Variants in MPPED2 observed in about 807,000 individuals in gnomAD.
MPPED2 encodes the protein metallophosphoesterase domain containing 2, also known as metallophosphoesterase MPPED2.
Under a neutral mutation model 33.0 loss-of-function variants are expected in MPPED2, and 5 were observed. That is an observed-to-expected ratio of 0.15 (90% confidence interval 0.08 to 0.32). The LOEUF (loss-of-function observed/expected upper bound fraction) is 0.32. Ranked by LOEUF, MPPED2 falls within the 10% of genes least tolerant of loss-of-function variation. The pLI, the probability that MPPED2 is intolerant of heterozygous loss-of-function variation, is 1.00. For missense variants in MPPED2, 275 were observed against 372.1 expected, an observed-to-expected ratio of 0.74 and a Z score of 2.15; for synonymous variants, 136 against 141.9, an observed-to-expected ratio of 0.96 and a Z score of 0.29.
At chr11:30,446,939 T>G (rs1023999712) in intron 4 of MPPED2, among the ~76,000 whole-genome samples, 14 of 152,184 alleles carry the variant, frequency 9.2e-5, no homozygotes, top group African/African-American at 3.4e-4. Context: ...TGCATTAGCG[T>G]TCTGAGAGGC....
chr11:30,467,694 AAAAC>A (rs1252072206), intron 4 of MPPED2, among the ~76,000 whole-genome samples: 4 of 152,222 alleles, frequency 2.6e-5, no homozygotes, highest in African/African-American at 4.8e-5. Flanking sequence ...TTCTACTCTA[AAAAC>A]AAACAAACAA....
rs1239379953 is a variant in MPPED2 at position 30,516,893 on chromosome 11, A to C, written c.310+19101T>G. ...CATTTTCTTAATTCATTTTAAGATA[A>C]ACTCTTACATTCCCCAACAATTTCT... On this transcript the variant is annotated intron_variant, in intron 3 of 6. Transcript: ENST00000358117. 2.0e-5 allele frequency among the ~76,000 whole-genome samples: 3 copies of C among 152,196 alleles called. No homozygotes were observed. In the East Asian group the frequency reaches 5.8e-4, roughly 29 times the overall value.
chr11:30,412,348 T>A (rs933591751), intron 6 of MPPED2, among the ~76,000 whole-genome samples: 19 of 151,826 alleles, frequency 1.3e-4, no homozygotes, highest in African/African-American at 4.6e-4. Context: ...CCTTTGATAA[T>A]TTTCAATATG....
At position 30,463,785 on chromosome 11, in the gene MPPED2, T is replaced by C. The variant is rs555017894; in HGVS notation, c.536+31511A>G. Among the ~76,000 whole-genome samples the C allele has an allele frequency of 1.7e-3, 264 of 152,306 alleles. 1 individual carries two copies. The highest frequency in any genetic ancestry group is 6.2e-3 in the African/African-American group (257 of 41,572). ...ACAAGATTGTTTGGGTTGACTTTTC[T>C]TAACATAAAATTGCATGGAACATAA... On this transcript the variant is annotated intron_variant, in intron 4 of 6. Coordinates refer to ENST00000358117, the MANE Select transcript of MPPED2 (RefSeq NM_001584.3).
intron 2 of MPPED2, among the ~76,000 whole-genome samples, chr11:30,542,718 A>G (rs1955195834): frequency 6.6e-6 from 1 of 152,166 alleles, no homozygotes; most frequent in African/African-American, 2.4e-5. Context: ...CTTGCTTATT[A>G]ATACTAATGA....
chr11:30,400,431 T>C (rs1947894240), intron 6 of MPPED2, among the ~76,000 whole-genome samples: 1 of 152,148 alleles, frequency 6.6e-6, no homozygotes, highest in South Asian at 2.1e-4. Flanking sequence ...ACCCTAAAAC[T>C]GTAGGAAAGT....
rs372235541 is a variant in MPPED2 at position 30,417,683 on chromosome 11, C to T, written c.537-50G>A. The T allele has an allele frequency of 1.8e-3, 1,834 of 1,035,462 alleles. 7 individuals carry two copies. Among genetic ancestry groups the T allele is most frequent in the African/African-American group, 9.7e-3 (619 of 63,822 alleles). The allele number at this position is 1,035,462 out of a possible 1,614,324, so 64.1% of individuals were successfully genotyped here. A position where few individuals can be genotyped will look rare whatever the true frequency, so the allele number is the denominator to read the frequency against. On this transcript the variant is annotated intron_variant, in intron 4 of 6. Coordinates refer to ENST00000358117, the MANE Select transcript of MPPED2 (RefSeq NM_001584.3). ...TATCAGGCCAGCAGAGCCACGGCTC[C>T]GCTCTGCAATATTTCTCTCTCGCAC...
intron 3 of MPPED2, among the ~76,000 whole-genome samples, chr11:30,520,329 G>A (rs7113764): frequency 0.24 from 35,768 of 152,066 alleles, 4,608 homozygotes; most frequent in East Asian, 0.45. Flanking sequence ...TATTCATTTA[G>A]GGTGTACTAT....
At chr11:30,464,025 G>A (rs1950608073) in intron 4 of MPPED2, among the ~76,000 whole-genome samples, 1 of 151,826 alleles carries the variant, frequency 6.6e-6, no homozygotes, top group South Asian at 2.1e-4. Flanking sequence ...ACTAAAAACT[G>A]GTATATAGCA....
At chr11:30,475,380 C>G (rs1332938021) in intron 4 of MPPED2, among the ~76,000 whole-genome samples, 1 of 152,086 alleles carries the variant, frequency 6.6e-6, no homozygotes. Context: ...AATGAAGACA[C>G]AAGGCCATAA....
intron 3 of MPPED2, among the ~76,000 whole-genome samples, chr11:30,497,695 T>G (rs1952344430): frequency 6.6e-6 from 1 of 151,576 alleles, no homozygotes; most frequent in Non-Finnish European, 1.5e-5. Flanking sequence ...TCAGACTGGG[T>G]TTTTCCTTTC....
intron 6 of MPPED2, among the ~76,000 whole-genome samples, chr11:30,397,888 T>C (rs1947858539): frequency 6.6e-6 from 1 of 152,182 alleles, no homozygotes; most frequent in Admixed American, 6.5e-5. Flanking sequence ...TTTTCAACCA[T>C]GTACCCTGTG....
chr11:30,579,292 A>C (rs1005234265), intron 2 of MPPED2, among the ~76,000 whole-genome samples: 2 of 152,110 alleles, frequency 1.3e-5, no homozygotes, highest in African/African-American at 4.8e-5. Context: ...CCCCGAGTTC[A>C]ATTCTTCCAG....
chr11:30,407,628 T>C (rs1948010379), downstream of MPPED2, among the ~76,000 whole-genome samples: 1 of 152,080 alleles, frequency 6.6e-6, no homozygotes, highest in Admixed American at 6.6e-5. Context: ...TCCCAGAACT[T>C]TGGGAGGCCG....
At chr11:30,459,711 T>C (rs1421969342) in intron 4 of MPPED2, among the ~76,000 whole-genome samples, 1 of 152,200 alleles carries the variant, frequency 6.6e-6, no homozygotes, top group Non-Finnish European at 1.5e-5. Flanking sequence ...TCAGAACTAA[T>C]GTCCTCCTGC....
At chr11:30,414,572 A>T (rs1192979074) in intron 5 of MPPED2, among the ~76,000 whole-genome samples, 3 of 148,074 alleles carry the variant, frequency 2.0e-5, no homozygotes, top group Admixed American at 6.7e-5. Flanking sequence ...GTTAATTAAC[A>T]TTTTTTTTTC....
chr11:30,427,029 G>A (rs1948869954), intron 4 of MPPED2, among the ~76,000 whole-genome samples: 1 of 152,182 alleles, frequency 6.6e-6, no homozygotes, highest in African/African-American at 2.4e-5. Context: ...AGGGGAGGAG[G>A]TAGGAAGACT....
chr11:30,500,712 G>A (rs1330815627), intron 3 of MPPED2, among the ~76,000 whole-genome samples: 2 of 152,150 alleles, frequency 1.3e-5, no homozygotes, highest in Non-Finnish European at 2.9e-5. Flanking sequence ...TTTTGCTTTT[G>A]CATGTGACTT....
chr11:30,450,047 T>C (rs1949988622), intron 4 of MPPED2, among the ~76,000 whole-genome samples: 1 of 152,232 alleles, frequency 6.6e-6, no homozygotes, highest in South Asian at 2.1e-4. Context: ...ATTAAAAATA[T>C]CAATTAAATC....
Sources: gnomAD v4.1 joint callset for allele counts (sites outside exome capture counted in the v4.1 genomes callset) on GRCh38, gnomAD v4.1.1 for gene constraint, MANE v1.5 for transcripts, NCBI Gene and HGNC (gene_info 2026-07-23, HGNC 2026-07-21) for gene names.